Variants in ATRN observed in about 807,000 individuals in gnomAD.
ATRN encodes attractin.
ATRN carries 54 observed loss-of-function variants against 178.7 expected under a neutral mutation model. The observed-to-expected ratio is 0.30, with a 90% confidence interval of 0.24 to 0.38. ATRN has a LOEUF of 0.38. Ranked by LOEUF, ATRN falls within the 10% of genes least tolerant of loss-of-function variation. The pLI is 1.00. For synonymous variants in ATRN, 636 were observed against 663.0 expected, an observed-to-expected ratio of 0.96 and a Z score of 0.63; for missense variants, 1,443 against 1,815.1, an observed-to-expected ratio of 0.79 and a Z score of 3.73.
At chr20:3,472,225 C>T (rs1022385765) in intron 1 of ATRN, among the ~76,000 whole-genome samples, 1 of 152,144 alleles carries the variant, frequency 6.6e-6, no homozygotes, top group Non-Finnish European at 1.5e-5. Context: ...TTGGAGAAAT[C>T]AATAAATTAA....
At chr20:3,629,236 A>T in intron 25 of ATRN, 1 of 985,310 alleles carries the variant, frequency 1.0e-6, no homozygotes, top group Non-Finnish European at 1.2e-6. Flanking sequence ...ACCTTTAAAG[A>T]TCATGTATCT....
At chr20:3,619,415 C>T (rs1308119077) in intron 24 of ATRN, among the ~76,000 whole-genome samples, 3 of 152,132 alleles carry the variant, frequency 2.0e-5, no homozygotes, top group African/African-American at 7.3e-5. Context: ...CCGACCAGAA[C>T]GCAAGTCCTG....
chr20:3,564,331 T>G (rs2085998444), intron 10 of ATRN, among the ~76,000 whole-genome samples: 1 of 152,204 alleles, frequency 6.6e-6, no homozygotes, highest in Admixed American at 6.5e-5. Context: ...GAACACTTTC[T>G]TAAGGAGGGG....
chr20:3,473,774 A>G lies in ATRN; in HGVS notation c.410+2257A>G, dbSNP rs550027713. 3.7e-4 allele frequency among the ~76,000 whole-genome samples: 57 copies of G among 152,224 alleles called. No homozygotes were observed. In the South Asian group the frequency reaches 0.011, roughly 30 times the overall value. ...GGACTTCATAGCAAGATCAATCTGT[A>G]ATGTTCAGAGTAGGTACACTCACTT... On this transcript the variant is annotated intron_variant, in intron 1 of 28. Coordinates refer to ENST00000262919, the MANE Select transcript of ATRN (RefSeq NM_139321.3).
intron 1 of ATRN, among the ~76,000 whole-genome samples, chr20:3,511,111 T>C (rs1192178517): frequency 6.6e-6 from 1 of 152,142 alleles, no homozygotes; most frequent in African/African-American, 2.4e-5. Context: ...GCTAATGGCA[T>C]TCTGAGAATT....
intron 1 of ATRN, among the ~76,000 whole-genome samples, chr20:3,501,173 TG>T (rs1223237534): frequency 6.6e-6 from 1 of 152,180 alleles, no homozygotes; most frequent in Non-Finnish European, 1.5e-5. Flanking sequence ...TATATTGGAT[TG>T]GTGCTCTGGA....
At chr20:3,581,797 A>G (rs930197944) in intron 15 of ATRN, among the ~76,000 whole-genome samples, 5 of 152,174 alleles carry the variant, frequency 3.3e-5, no homozygotes, top group Admixed American at 2.6e-4. Flanking sequence ...TCTGAGCTAC[A>G]TTTTTATCCT....
rs941741281 is a variant in ATRN, at chr20:3,490,064, T to G, written c.410+18547T>G. On this transcript the variant is annotated intron_variant, in intron 1 of 28. Transcript: ENST00000262919. ...TAGATCTGGGCTTCTAGAAAAGCAA[T>G]GTCTTTGTTCTCTCAATGTCTCGCT... is the stretch of plus-strand genomic sequence containing the variant. 82 of 1,208,666 alleles carry G rather than the reference T, an allele frequency of 6.8e-5. 1 individual carries two copies. The highest frequency in any genetic ancestry group is 9.1e-5 in the Non-Finnish European group (74 of 812,236). The allele number at this position is 1,208,666 out of a possible 1,614,324, so 74.9% of individuals were successfully genotyped here.
In ATRN at chr20:3,648,511, G is replaced by C. The variant is rs1229597467; in HGVS notation, c.*1664G>C. 2 of 152,738 alleles carry C rather than the reference G, an allele frequency of 1.3e-5. No individual in the cohort carries two copies. The highest frequency in any genetic ancestry group is 3.9e-4 in the East Asian group (2 of 5,182). 9.5% of individuals were successfully genotyped at this position (152,738 alleles called of 1,614,324 possible). The stretch of plus-strand genomic sequence containing the variant: ...CAATGCTCGAGTTTGTGAATTTGGA[G>C]AGATACTCAAAAGAGCTAAAACTGC... On this transcript the variant is annotated 3_prime_UTR_variant, in exon 29 of 29. Coordinates refer to ENST00000262919, the MANE Select transcript of ATRN (RefSeq NM_139321.3).
chr20:3,596,312 G>A (rs1362332395), intron 20 of ATRN, 65 bp from the exon 21 acceptor site: 3 of 1,452,398 alleles, frequency 2.1e-6, no homozygotes, highest in African/African-American at 2.8e-5. Context: ...GGATCTGTTT[G>A]GTTTTAAAAT....
intron 15 of ATRN, among the ~76,000 whole-genome samples, chr20:3,580,652 C>G (rs2086270906): frequency 6.6e-6 from 1 of 152,080 alleles, no homozygotes; most frequent in Non-Finnish European, 1.5e-5. Flanking sequence ...ATTAGTGCCC[C>G]CATCTGTGAG....
intron 3 of ATRN, among the ~76,000 whole-genome samples, chr20:3,544,981 ACAT>A (rs1372090652): frequency 1.3e-5 from 2 of 152,178 alleles, no homozygotes; most frequent in African/African-American, 4.8e-5. Context: ...AATGTAAATA[ACAT>A]CAATTAGGCT....
chr20:3,578,075 A>G (rs561715742), intron 14 of ATRN, among the ~76,000 whole-genome samples: 2 of 152,320 alleles, frequency 1.3e-5, no homozygotes, highest in Admixed American at 6.5e-5. Flanking sequence ...TTGTTTCTCA[A>G]GAAGGACCTT....
At chr20:3,643,132 C>T (rs2087081866) in intron 27 of ATRN, among the ~76,000 whole-genome samples, 1 of 152,122 alleles carries the variant, frequency 6.6e-6, no homozygotes, top group Admixed American at 6.5e-5. Context: ...GCCCTGAATG[C>T]ATTTCAAAGC....
chr20:3,610,742 C>CTTTTT (rs71195847), intron 24 of ATRN, among the ~76,000 whole-genome samples: 22 of 65,266 alleles, frequency 3.4e-4, no homozygotes, highest in South Asian at 1.7e-3. Flanking sequence ...CTGGCTAATT[C>CTTTTT]TTTTTTTTTT....
At chr20:3,554,159 T>G (rs1406052938) in intron 6 of ATRN, among the ~76,000 whole-genome samples, 1 of 152,132 alleles carries the variant, frequency 6.6e-6, no homozygotes, top group Non-Finnish European at 1.5e-5. Flanking sequence ...ATCATAACTT[T>G]TTTTTTCTAC....
intron 1 of ATRN, among the ~76,000 whole-genome samples, chr20:3,479,664 AT>A (rs992390909): frequency 2.6e-5 from 4 of 152,232 alleles, no homozygotes. Context: ...TTATTCTTTC[AT>A]AGTTCTGGGG....
In ATRN at chr20:3,638,792, T is replaced by G. The variant is rs893536631; in HGVS notation, c.3943-36T>G. On this transcript the variant is annotated intron_variant, in intron 26 of 28. Transcript: ENST00000262919. This position sits in a 1 kb window ranked among gnomAD's most constrained non-coding sequence, Gnocchi z 4.5. ...TTAACTAATAAAACCCCTTCAGTAC[T>G]CATTCCATTAATGGCTTTGCCATAT... 4 of 1,582,138 alleles carry G rather than the reference T, an allele frequency of 2.5e-6. No homozygotes were observed. Among genetic ancestry groups the G allele is most frequent in the East Asian group, 2.2e-5 (1 of 44,732 alleles).
chr20:3,598,779 A>G (rs935312370), intron 22 of ATRN, among the ~76,000 whole-genome samples: 1 of 152,232 alleles, frequency 6.6e-6, no homozygotes, highest in Non-Finnish European at 1.5e-5. Flanking sequence ...TTTGCTAAAC[A>G]TAATGGTAAA....
Sources: gnomAD v4.1 joint callset for allele counts (sites outside exome capture counted in the v4.1 genomes callset) on GRCh38, gnomAD v4.1.1 for gene constraint, Gnocchi (gnomAD v3.1) non-coding constraint, MANE v1.5 for transcripts, NCBI Gene and HGNC (gene_info 2026-07-23, HGNC 2026-07-21) for gene names.